Variants in RAPGEF5 observed in about 807,000 individuals in gnomAD.
RAPGEF5 encodes Rap guanine nucleotide exchange factor 5.
In RAPGEF5, 65 loss-of-function variants were observed where a neutral mutation model predicts 125.2. That is an observed-to-expected ratio of 0.52 (90% CI 0.43 to 0.64). The LOEUF is 0.64. Ranked by LOEUF, RAPGEF5 falls within the 30% of genes least tolerant of loss-of-function variation. The probability of loss-of-function intolerance (pLI) is 0.00; values close to 1 mark genes in which losing one functional copy is unlikely to be tolerated. For missense variants in RAPGEF5, 958 were observed against 1,048.1 expected, an observed-to-expected ratio of 0.91 and a Z score of 1.19; for synonymous variants, 391 against 385.9, an observed-to-expected ratio of 1.01 and a Z score of -0.16.
At chr7:22,302,314 CATGTGGCTG>C (rs763187140) in intron 5 of RAPGEF5, among the ~76,000 whole-genome samples, 20 of 152,124 alleles carry the variant, frequency 1.3e-4, no homozygotes, top group Non-Finnish European at 2.8e-4. Context: ...CAGCAGAAGC[CATGTGGCTG>C]AACAGGGTGT....
At chr7:22,240,825 C>T (rs529749137) in intron 7 of RAPGEF5, among the ~76,000 whole-genome samples, 73 of 152,184 alleles carry the variant, frequency 4.8e-4, no homozygotes, top group African/African-American at 1.5e-3. Flanking sequence ...CTAGTGTACT[C>T]CAATACTCTA....
intron 12 of RAPGEF5, among the ~76,000 whole-genome samples, 198 bp from the exon 13 acceptor site, chr7:22,162,739 G>C (rs530850274): frequency 6.6e-6 from 1 of 152,140 alleles, no homozygotes; most frequent in Non-Finnish European, 1.5e-5. Flanking sequence ...AAGTATACTC[G>C]GTAGGCAGCC....
chr7:22,227,627 C>T (rs1339444090), intron 8 of RAPGEF5, among the ~76,000 whole-genome samples: 1 of 152,028 alleles, frequency 6.6e-6, no homozygotes, highest in East Asian at 1.9e-4. Flanking sequence ...ACTGCTTGAG[C>T]CCAGGAGTCA....
intron 9 of RAPGEF5, among the ~76,000 whole-genome samples, chr7:22,214,813 G>C (rs1785596993): frequency 6.6e-6 from 1 of 151,810 alleles, no homozygotes. Flanking sequence ...CCACCTATCA[G>C]TCCTCACTCC....
chr7:22,216,165 A>G (rs1785633410), intron 9 of RAPGEF5, among the ~76,000 whole-genome samples: 1 of 152,086 alleles, frequency 6.6e-6, no homozygotes, highest in Non-Finnish European at 1.5e-5. Context: ...TTGACTCACT[A>G]TGGTAGCTTT....
chr7:22,150,520 A>AAAAG lies in RAPGEF5; in HGVS notation c.1787-17_1787-16insCTTT. 2 of 1,585,856 alleles carry AAAAG rather than the reference A, an allele frequency of 1.3e-6. No individual in the cohort carries two copies. Reference sequence around the variant, plus strand: ...TCATGCTTTTCTTTATTTGAAAAAAAAAAAAAAAAAAGGAATAATCAGAAA... The same window carrying AAAAG: ...TCATGCTTTTCTTTATTTGAAAAAAAAAAGAAAAAAAAAAAGGAATAATCAGAAA... On this transcript the variant is annotated splice_polypyrimidine_tract_variant and intron_variant, in intron 17 of 25. Transcript: ENST00000665637.
In RAPGEF5 at chr7:22,121,074, T is replaced by G. The variant is rs1331256899; in HGVS notation, c.*1332A>C. ...CAAGTATCTAGCAGGCAGGGGTGGATTTCATTATTTTGACCCATAGGCTGT... is the reference window on the plus strand; with the variant it reads ...CAAGTATCTAGCAGGCAGGGGTGGAGTTCATTATTTTGACCCATAGGCTGT... On this transcript the variant is annotated 3_prime_UTR_variant, in exon 26 of 26. Transcript: ENST00000665637. 6.6e-6 allele frequency: 1 copy of G among 152,106 alleles called. No homozygotes were observed. Among genetic ancestry groups the G allele is most frequent in the Admixed American group, 6.6e-5 (1 of 15,264 alleles). 9.4% of individuals were successfully genotyped at this position (152,106 alleles called of 1,614,324 possible). A position where few individuals can be genotyped will look rare whatever the true frequency, so the allele number is the denominator to read the frequency against.
At chr7:22,323,742 G>A (rs369543375) in intron 1 of RAPGEF5, among the ~76,000 whole-genome samples, 4 of 152,104 alleles carry the variant, frequency 2.6e-5, no homozygotes, top group Admixed American at 2.6e-4. Flanking sequence ...AATCTGGGAT[G>A]ATTTGAACAG....
intron 6 of RAPGEF5, among the ~76,000 whole-genome samples, chr7:22,281,739 C>T (rs758448690): frequency 2.0e-5 from 3 of 152,338 alleles, no homozygotes; most frequent in African/African-American, 4.8e-5. Flanking sequence ...CCTGGGTTAA[C>T]TTATGAACCT....
At chr7:22,270,986 G>A (rs553747534) in intron 6 of RAPGEF5, among the ~76,000 whole-genome samples, 3 of 152,166 alleles carry the variant, frequency 2.0e-5, no homozygotes, top group African/African-American at 7.2e-5. Flanking sequence ...TGTGAATAAG[G>A]GACTGTAAAC....
chr7:22,164,948 G>C (rs1435044565), intron 12 of RAPGEF5, among the ~76,000 whole-genome samples: 4 of 152,106 alleles, frequency 2.6e-5, no homozygotes, highest in Non-Finnish European at 5.9e-5. Context: ...AAATAATTTA[G>C]ACCACTTCTA....
chr7:22,199,531 G>T (rs1323340955), intron 9 of RAPGEF5, among the ~76,000 whole-genome samples: 3 of 62,846 alleles, frequency 4.8e-5, no homozygotes, highest in African/African-American at 7.0e-5. Flanking sequence ...CCTTAAAATT[G>T]AAAAAAAAAA....
Position 22,210,399 on chromosome 7 carries a change from A to G in RAPGEF5, c.996+9467T>C, listed in dbSNP as rs188804596. On this transcript the variant is annotated intron_variant, in intron 9 of 25. Transcript: ENST00000665637. ...AAGATCATGAAAGGTTTTAAGAACT[A>G]TCTGTAGGAAGTACCACTGTCTCCT... Among the ~76,000 whole-genome samples the G allele has an allele frequency of 3.9e-3, 589 of 152,330 alleles. 2 individuals carry two copies. Among genetic ancestry groups the G allele is most frequent in the African/African-American group, 0.014 (563 of 41,582 alleles).
intron 9 of RAPGEF5, chr7:22,194,840 A>G: frequency 1.1e-6 from 1 of 878,368 alleles, no homozygotes; most frequent in Non-Finnish European, 1.4e-6. Flanking sequence ...GTCACAGAGG[A>G]CAGCTTGCTG....
intron 24 of RAPGEF5, among the ~76,000 whole-genome samples, chr7:22,129,487 T>C (rs1352568929): frequency 1.3e-5 from 2 of 152,230 alleles, no homozygotes; most frequent in Non-Finnish European, 2.9e-5. Context: ...AAAGGCTTCA[T>C]ATTCCCGCAA....
At chr7:22,146,830 G>C (rs1783454869) in intron 19 of RAPGEF5, 67 bp downstream of exon 19, 2 of 1,537,758 alleles carry the variant, frequency 1.3e-6, no homozygotes, top group Non-Finnish European at 1.8e-6. Flanking sequence ...CGCACGCATT[G>C]ATATTCTTCA....
intron 13 of RAPGEF5, 146 bp from the exon 14 acceptor site, chr7:22,160,761 A>T (rs77247541): frequency 1.1e-6 from 1 of 951,874 alleles, no homozygotes; most frequent in Non-Finnish European, 1.4e-6. Context: ...GAGATCCAGA[A>T]TGGGATCATA....
chr7:22,171,022 A>T lies in RAPGEF5; in HGVS notation c.1205-3874T>A, dbSNP rs1224336305. Among the ~76,000 whole-genome samples, 20 of 149,406 alleles carry T rather than the reference A, an allele frequency of 1.3e-4. 1 individual carries two copies. Among genetic ancestry groups the T allele is most frequent in the Admixed American group, 1.1e-3 (17 of 15,028 alleles). Reference sequence around the variant, plus strand: ...TTTCCTTTATTCTTTTCCAGCATTCATGTTTTTTTTTTTTTCTGCTGTGCA... The same window carrying T: ...TTTCCTTTATTCTTTTCCAGCATTCTTGTTTTTTTTTTTTTCTGCTGTGCA... On this transcript the variant is annotated intron_variant, in intron 11 of 25. Coordinates refer to ENST00000665637, the MANE Select transcript of RAPGEF5 (RefSeq NM_012294.5).
At chr7:22,329,966 C>G (rs1783883170) in intron 1 of RAPGEF5, among the ~76,000 whole-genome samples, 1 of 152,222 alleles carries the variant, frequency 6.6e-6, no homozygotes, top group South Asian at 2.1e-4. Flanking sequence ...CCTCTGGGCA[C>G]AAGCAAACAG....
Sources: allele counts gnomAD v4.1 joint callset (sites outside exome capture counted in the v4.1 genomes callset), GRCh38; gene constraint gnomAD v4.1.1; transcripts MANE v1.5; gene names NCBI Gene and HGNC (gene_info 2026-07-23, HGNC 2026-07-21).